The following SLC38A10 variants were observed in gnomAD, a reference collection of about 807,000 sequenced individuals.
SLC38A10 encodes the protein solute carrier family 38 member 10, also known as Sodium-coupled neutral amino acid transporter 10.
A neutral mutation model predicts 81.0 loss-of-function variants in SLC38A10; 53 were observed. The observed-to-expected ratio is 0.65, with a 90% CI of 0.53 to 0.82. SLC38A10 has a LOEUF of 0.82. SLC38A10 is among the 40% of genes least tolerant of loss of function. The pLI is 0.00. For synonymous variants in SLC38A10, 665 were observed against 655.3 expected, an observed-to-expected ratio of 1.01 and a Z score of -0.23; for missense variants, 1,471 against 1,545.0, an observed-to-expected ratio of 0.95 and a Z score of 0.80.
intron 14 of SLC38A10, among the ~76,000 whole-genome samples, chr17:81,248,175 T>C (rs1288955374): frequency 2.0e-5 from 3 of 152,098 alleles, no homozygotes; most frequent in African/African-American, 7.2e-5. Flanking sequence ...GCCAGGATGG[T>C]CTTGATCTCC....
chr17:81,260,872 T>G (rs1188459397), intron 10 of SLC38A10, among the ~76,000 whole-genome samples: 4 of 152,202 alleles, frequency 2.6e-5, no homozygotes, highest in Admixed American at 1.3e-4. Flanking sequence ...CAGGCAGACT[T>G]GAGCGTCCCC....
At chr17:81,294,747 T>C in intron 1 of SLC38A10, 76 bp downstream of exon 1, 3 of 1,381,304 alleles carry the variant, frequency 2.2e-6, no homozygotes, top group Non-Finnish European at 2.9e-6. Context: ...GCGGGAACTT[T>C]AACCAGGACG....
At position 81,295,189 on chromosome 17, in the gene SLC38A10, GT is replaced by G; in HGVS notation, c.-269del. The G allele has an allele frequency of 3.8e-6, 1 of 265,238 alleles. No homozygotes were observed. The highest frequency in any genetic ancestry group is 6.5e-6 in the Non-Finnish European group (1 of 154,984). The allele number at this position is 265,238 out of a possible 1,614,324, so 16.4% of individuals were successfully genotyped here. A position where few individuals can be genotyped will look rare whatever the true frequency, so the allele number is the denominator to read the frequency against. ...CCCTGCGGCCGCCTCAGGGCCATGC[GT>G]CCCTCGCTCGGCCTCGCGGGCCGCC... On this transcript the variant is annotated 5_prime_UTR_variant, in exon 1 of 16. Coordinates refer to ENST00000374759, the MANE Select transcript of SLC38A10 (RefSeq NM_001037984.3).
intron 10 of SLC38A10, chr17:81,263,527 A>G (rs1472436954): frequency 6.6e-6 from 1 of 152,382 alleles, no homozygotes; most frequent in Non-Finnish European, 1.5e-5. Context: ...GGAAGGCTCC[A>G]TCCCCTCTTT....
At chr17:81,251,182 AAT>A in intron 14 of SLC38A10, 13 of 1,527,498 alleles carry the variant, frequency 8.5e-6, no homozygotes, top group South Asian at 1.3e-5. Context: ...ACGAAATGGT[AAT>A]CACAAGCCAA....
At chr17:81,280,516 G>T in intron 6 of SLC38A10, 93 bp downstream of exon 6, 1 of 1,542,762 alleles carries the variant, frequency 6.5e-7, no homozygotes. Context: ...AGCAAAGAGC[G>T]ATCACAGTAA....
Position 81,252,629 on chromosome 17 carries a change from T to A in SLC38A10, c.1511A>T (p.Asp504Val), listed in dbSNP as rs2062930250. 1 of 1,612,316 alleles carries A rather than the reference T, an allele frequency of 6.2e-7. No individual in the cohort carries two copies. Among genetic ancestry groups the A allele is most frequent in the Admixed American group, 1.7e-5 (1 of 59,970 alleles). ...AHRHEPPVPH[D>V]KVVVDEGQDR... ...TTGGCCTTCATCTACCACCACCTTG[T>A]CGTGAGGAACAGGAGGCTCGTGGCG... is the stretch of plus-strand genomic sequence containing the variant. The change falls in exon 13 of 16, where the codon GAC becomes GTC. Residue 504 changes from aspartate (D) to valine (V), a missense_variant. Physicochemically the swap from Asp to Val is radical, Grantham distance 152. This residue lies in a region of SLC38A10 where 720 missense variants were observed against 827.7 expected (regional missense o/e 0.87). Transcript: ENST00000374759.
chr17:81,292,215 CTCCCG>C, intron 1 of SLC38A10, among the ~76,000 whole-genome samples: 1 of 152,060 alleles, frequency 6.6e-6, no homozygotes, highest in Non-Finnish European at 1.5e-5. Context: ...GCAAGCTCCA[CTCCCG>C]GGTTCAAGCG....
Position 81,245,897 on chromosome 17 carries a change from C to A in SLC38A10, c.3019G>T (p.Ala1007Ser). ...CTCTGCCTGGGCTCCTGGACAGCAG[C>A]GTCCTCCCCGCCTCTCGGCTGCTCG... ...SHEQPRGGED[A>S]AVQEPRQRPE... The change falls in exon 16 of 16, where the codon GCT (alanine) becomes TCT (serine). Residue 1007 changes from alanine to serine, a missense_variant. Ala to Ser is a moderately conservative substitution (Grantham distance 99). Transcript: ENST00000374759. 3 of 1,612,010 alleles carry A rather than the reference C, an allele frequency of 1.9e-6. No homozygotes were observed. Among genetic ancestry groups the A allele is most frequent in the Non-Finnish European group, 2.5e-6 (3 of 1,179,424 alleles).
intron 1 of SLC38A10, among the ~76,000 whole-genome samples, chr17:81,293,523 G>A (rs1277314335): frequency 2.0e-5 from 3 of 151,930 alleles, no homozygotes. Context: ...CCAGGCTGGA[G>A]TGCAGTGGTG....
rs527249504 is a variant in SLC38A10 at position 81,249,930 on chromosome 17, G to A, written c.2065+1563C>T. 4.2e-5 allele frequency: 27 copies of A among 637,200 alleles called. No homozygotes were observed. The East Asian group carries it at 1.7e-3, about 39-fold the overall frequency. 39.5% of individuals were successfully genotyped at this position (637,200 alleles called of 1,614,324 possible). On this transcript the variant is annotated intron_variant, in intron 14 of 15. Coordinates refer to ENST00000374759, the MANE Select transcript of SLC38A10 (RefSeq NM_001037984.3). ...CCTGAGGGGCTGTGGCTGAGCCTGG[G>A]TGCGTGCGCAGGTCTGGGGCCTGAC...
At chr17:81,269,518 C>G (rs1345897153) in intron 10 of SLC38A10, among the ~76,000 whole-genome samples, 1 of 152,102 alleles carries the variant, frequency 6.6e-6, no homozygotes, top group Non-Finnish European at 1.5e-5. Flanking sequence ...CTAATGTACA[C>G]TGTAAGAATC....
chr17:81,261,578 G>A lies in SLC38A10; in HGVS notation c.1132-1184C>T, dbSNP rs77128066. Among the ~76,000 whole-genome samples the A allele has an allele frequency of 7.1e-3, 1,083 of 152,386 alleles. 8 individuals are homozygous for A. The highest frequency in any genetic ancestry group is 0.021 in the East Asian group (108 of 5,186). On this transcript the variant is annotated intron_variant, in intron 10 of 15. Coordinates refer to ENST00000374759, the MANE Select transcript of SLC38A10 (RefSeq NM_001037984.3). The stretch of plus-strand genomic sequence containing the variant: ...CAATTAGAGAAGAGGTCTCCCCAGA[G>A]GGAAGGACTCGTGCTCTCCGAAGCT...
At chr17:81,259,313 C>CAT (rs2063000228) in intron 11 of SLC38A10, among the ~76,000 whole-genome samples, 1 of 152,218 alleles carries the variant, frequency 6.6e-6, no homozygotes, top group Non-Finnish European at 1.5e-5. Context: ...GGGCAGATGA[C>CAT]GCCCAGCGAA....
chr17:81,252,231 CGGCGGCGTTGCCT>C lies in SLC38A10; in HGVS notation c.1896_1908del (p.Asn634ThrfsTer67), dbSNP rs928489545. ...TCCTCTGCGGGCTGCCCTGTGTCCC[CGGCGGCGTTGCCT>C]GGCGGCGGTCCCCCCTTGGCCTTTT... On this transcript the variant is annotated frameshift_variant, in exon 13 of 16. Transcript: ENST00000374759. LOFTEE classifies it high-confidence loss of function. 6.5e-7 allele frequency: 1 copy of C among 1,540,680 alleles called. No individual in the cohort carries two copies. The highest frequency in any genetic ancestry group is 8.7e-7 in the Non-Finnish European group (1 of 1,146,854).
At chr17:81,250,029 A>G in intron 14 of SLC38A10, 1 of 1,284,990 alleles carries the variant, frequency 7.8e-7, no homozygotes, top group Non-Finnish European at 1.0e-6. Flanking sequence ...GTGGCCCGCC[A>G]GACAGGCTCT....
At chr17:81,246,786 T>G (rs902689084) in intron 15 of SLC38A10, 99 bp downstream of exon 15, 5 of 1,494,686 alleles carry the variant, frequency 3.3e-6, no homozygotes, top group Non-Finnish European at 4.5e-6. Context: ...AGACTCACGC[T>G]CAGGTCTAGA....
At chr17:81,261,640 G>A (rs775984627) in intron 10 of SLC38A10, among the ~76,000 whole-genome samples, 3 of 152,262 alleles carry the variant, frequency 2.0e-5, no homozygotes, top group Admixed American at 6.5e-5. Context: ...TGGAGAGCCC[G>A]CTTCCTCTAC....
Position 81,253,612 on chromosome 17 carries a change from G to A in SLC38A10, c.1289-372C>T, listed in dbSNP as rs568406344. ...CTCCACCACCACCACCACCATCACCGCTATCATCACCATCATCTCCATCCC... is the reference window on the plus strand; with the variant it reads ...CTCCACCACCACCACCACCATCACCACTATCATCACCATCATCTCCATCCC... On this transcript the variant is annotated intron_variant, in intron 11 of 15. Transcript: ENST00000374759. The surrounding 1 kb of genome is among the most constrained non-coding windows in gnomAD (Gnocchi z 4.1). Among the ~76,000 whole-genome samples the A allele has an allele frequency of 2.8e-5, 4 of 144,962 alleles. No homozygotes were observed. Among genetic ancestry groups the A allele is most frequent in the South Asian group, 4.6e-4 (2 of 4,320 alleles).
Sources: allele counts gnomAD v4.1 joint callset (sites outside exome capture counted in the v4.1 genomes callset), GRCh38; gene constraint gnomAD v4.1.1; regional missense constraint gnomAD v4.1.1; non-coding constraint Gnocchi (gnomAD v3.1); transcripts MANE v1.5; gene names NCBI Gene and HGNC (gene_info 2026-07-23, HGNC 2026-07-21).